ZNF37A: variants seen among roughly 807,000 people sequenced by gnomAD.
ZNF37A encodes zinc finger protein 37A, also known as zinc finger protein 37a (KOX 21).
Under a neutral mutation model 12.3 loss-of-function variants are expected in ZNF37A, and 10 were observed. The ratio of observed to expected loss-of-function variants is 0.82; its 90% CI spans 0.50 to 1.38. ZNF37A has a LOEUF of 1.38. Ranked by LOEUF, ZNF37A falls within the 40% of genes most tolerant of loss-of-function variation. The pLI, the probability that ZNF37A is intolerant of heterozygous loss-of-function variation, is 0.00. For synonymous variants in ZNF37A, 207 were observed against 223.0 expected, an observed-to-expected ratio of 0.93 and a Z score of 0.64; for missense variants, 580 against 651.2, an observed-to-expected ratio of 0.89 and a Z score of 1.19.
chr10:38,105,008 T>C (rs2067933497), intron 5 of ZNF37A, among the ~76,000 whole-genome samples: 1 of 128,934 alleles, frequency 7.8e-6, no homozygotes, highest in Admixed American at 7.6e-5. Context: ...ATATTTTTTC[T>C]TTTTTTTTTT....
At chr10:38,135,419 C>A (rs2070095352) in intron 7 of ZNF37A, among the ~76,000 whole-genome samples, 1 of 152,108 alleles carries the variant, frequency 6.6e-6, no homozygotes, top group African/African-American at 2.4e-5. Flanking sequence ...TCTACAATTT[C>A]ATCCTACTTT....
rs35729359 is a variant in ZNF37A, at chr10:38,111,914, CT to C, written c.16-2827del. On this transcript the variant is annotated intron_variant, in intron 5 of 7. Coordinates refer to ENST00000685332, the MANE Select transcript of ZNF37A (RefSeq NM_001324250.3). ...AACCTCCAAGGTTTCTGCTGATGAT[CT>C]TTTTTTTTTTTTTGAGACGGAGTCT... 1.3e-3 allele frequency among the ~76,000 whole-genome samples: 185 copies of C among 142,928 alleles called. 1 individual carries two copies. The highest frequency in any genetic ancestry group is 2.4e-3 in the South Asian group (11 of 4,538). 93.8% of individuals were successfully genotyped at this position (142,928 alleles called of 152,430 possible). A position where few individuals can be genotyped will look rare whatever the true frequency, so the allele number is the denominator to read the frequency against.
chr10:38,117,501 C>T lies in ZNF37A; in HGVS notation c.350C>T (p.Pro117Leu), dbSNP rs752499770. Reference sequence around the variant, plus strand: ...GAAATAATTCATTCTGAAGAGGAACCTTCTGAATATAATAAAAATGGGAAC... The same window carrying T: ...GAAATAATTCATTCTGAAGAGGAACTTTCTGAATATAATAAAAATGGGAAC... The part of the protein sequence containing the change: ...KHEIIHSEEE[P>L]SEYNKNGNSF... The change falls in exon 8 of 8, where the codon CCT (proline) becomes CTT (leucine). Residue 117 changes from proline (P) to leucine (L), a missense_variant. Transcript: ENST00000685332. 4.1e-5 allele frequency: 66 copies of T among 1,613,208 alleles called. No individual in the cohort carries two copies. The highest frequency in any genetic ancestry group is 5.5e-5 in the Non-Finnish European group (65 of 1,179,820).
At chr10:38,115,395 G>T in intron 7 of ZNF37A, 105 bp downstream of exon 7, 1 of 1,450,304 alleles carries the variant, frequency 6.9e-7, no homozygotes, top group Non-Finnish European at 9.1e-7. Context: ...TGTTTTAGAG[G>T]CTCCAGACCT....
In ZNF37A at chr10:38,123,526, C is replaced by A. The variant is rs2069834836; in HGVS notation, c.*4689C>A. The stretch of plus-strand genomic sequence containing the variant: ...CAAAACACCTTCCACCAAGACCCAC[C>A]TTTAACGCTGAGCATTACCTCTCAA... On this transcript the variant is annotated 3_prime_UTR_variant, in exon 8 of 8. Transcript: ENST00000685332. 6.6e-6 allele frequency: 1 copy of A among 151,954 alleles called. No individual in the cohort carries two copies. The allele number at this position is 151,954 out of a possible 1,614,324, so 9.4% of individuals were successfully genotyped here.
At chr10:38,099,447 T>C (rs979710705) in intron 5 of ZNF37A, among the ~76,000 whole-genome samples, 31 of 152,238 alleles carry the variant, frequency 2.0e-4, no homozygotes, top group African/African-American at 7.2e-4. Flanking sequence ...TGTTGTAGCA[T>C]GTGTCAGAAT....
chr10:38,098,358 G>A (rs1174205359), intron 5 of ZNF37A, among the ~76,000 whole-genome samples: 1 of 152,188 alleles, frequency 6.6e-6, no homozygotes, highest in Admixed American at 6.5e-5. Context: ...GGGTCATATG[G>A]TAAGTTTACG....
At chr10:38,138,703 A>G (rs1398427393) in intron 7 of ZNF37A, 3 of 152,194 alleles carry the variant, frequency 2.0e-5, no homozygotes, top group African/African-American at 7.2e-5. Flanking sequence ...CTTAAAGCCA[A>G]TCCCCTGAGA....
intron 7 of ZNF37A, among the ~76,000 whole-genome samples, chr10:38,132,392 A>C (rs925937870): frequency 6.6e-6 from 1 of 152,068 alleles, no homozygotes; most frequent in African/African-American, 2.4e-5. Flanking sequence ...TCTATTAATA[A>C]TATGTATTGC....
At chr10:38,146,046 G>A (rs1181209389) in intron 7 of ZNF37A, among the ~76,000 whole-genome samples, 2 of 152,228 alleles carry the variant, frequency 1.3e-5, no homozygotes, top group Admixed American at 6.5e-5. Flanking sequence ...ATTACAGTGA[G>A]CCAAGATCAT....
chr10:38,112,781 T>TCGGTCTCGGTCTCGGTC, intron 5 of ZNF37A, among the ~76,000 whole-genome samples: 1 of 55,312 alleles, frequency 1.8e-5, no homozygotes, highest in East Asian at 7.7e-4. Flanking sequence ...TTTTCTTTTC[T>TCGGTCTCGGTCTCGGTC]TTTCTTTTCT....
intron 2 of ZNF37A, 27 bp from the exon 3 acceptor site, chr10:38,095,511 C>G (rs1314321261): frequency 6.6e-6 from 1 of 152,266 alleles, no homozygotes; most frequent in Non-Finnish European, 1.5e-5. Flanking sequence ...ACCCTCCATG[C>G]CTGGATTCGT....
intron 5 of ZNF37A, among the ~76,000 whole-genome samples, chr10:38,104,456 G>GT (rs1491239433): frequency 3.5e-4 from 51 of 144,910 alleles, no homozygotes; most frequent in Admixed American, 1.1e-3. Flanking sequence ...ATGCTGAGAG[G>GT]TGTTTTTTGT....
At chr10:38,143,410 A>C (rs922302324) in intron 7 of ZNF37A, 9 of 152,224 alleles carry the variant, frequency 5.9e-5, no homozygotes, top group African/African-American at 2.2e-4. Flanking sequence ...TATTGAGATC[A>C]TCTAAAGACA....
Position 38,112,808 on chromosome 10 carries a change from GTCT to G in ZNF37A, c.16-1942_16-1940del, listed in dbSNP as rs1295130909. ...TTCTTTTCTTTTCTTGTCTTGTCTT[GTCT>G]TCTTTTCTTTTCTTTCACAGAGTTT... On this transcript the variant is annotated intron_variant, in intron 5 of 7. Coordinates refer to ENST00000685332, the MANE Select transcript of ZNF37A (RefSeq NM_001324250.3). Among the ~76,000 whole-genome samples the G allele has an allele frequency of 4.2e-4, 23 of 55,160 alleles. 3 individuals are homozygous for G. The East Asian group carries it at 0.014, about 33-fold the overall frequency. The allele number at this position is 55,160 out of a possible 152,430, so 36.2% of individuals were successfully genotyped here. A position where few individuals can be genotyped will look rare whatever the true frequency, so the allele number is the denominator to read the frequency against.
chr10:38,104,885 A>T (rs188761665), intron 5 of ZNF37A, among the ~76,000 whole-genome samples: 5 of 152,282 alleles, frequency 3.3e-5, no homozygotes, highest in Admixed American at 2.0e-4. Flanking sequence ...TTTCAATCTT[A>T]ACCCCATAGC....
At chr10:38,148,250 A>C (rs1194446450) in exon 8 of ZNF37A, 2 of 152,254 alleles carry the variant, frequency 1.3e-5, no homozygotes, top group Non-Finnish European at 1.5e-5. Flanking sequence ...AACTGGCCCA[A>C]ATTTACAGAA....
Position 38,120,473 on chromosome 10 carries a change from T to A in ZNF37A, c.*1636T>A, listed in dbSNP as rs961153257. ...TACTTTGCTATTGGGTAAGGTATAG[T>A]AGTTGGCAGCAGAATGGACCCATTG... On this transcript the variant is annotated 3_prime_UTR_variant, in exon 8 of 8. Transcript: ENST00000685332. The A allele has an allele frequency of 6.6e-6, 1 of 152,076 alleles. No homozygotes were observed. Among genetic ancestry groups the A allele is most frequent in the African/African-American group, 2.4e-5 (1 of 41,406 alleles). The allele number at this position is 152,076 out of a possible 1,614,324, so 9.4% of individuals were successfully genotyped here. A position where few individuals can be genotyped will look rare whatever the true frequency, so the allele number is the denominator to read the frequency against.
intron 7 of ZNF37A, chr10:38,139,000 TA>T: frequency 6.6e-6 from 1 of 152,350 alleles, no homozygotes; most frequent in Non-Finnish European, 1.5e-5. Flanking sequence ...AGCATCATTT[TA>T]GAGCTGTAGC....
Sources: allele counts gnomAD v4.1 joint callset (sites outside exome capture counted in the v4.1 genomes callset), GRCh38; gene constraint gnomAD v4.1.1; transcripts MANE v1.5; gene names NCBI Gene and HGNC (gene_info 2026-07-23, HGNC 2026-07-21).